EDA: variants seen among roughly 807,000 people sequenced by gnomAD.
The protein encoded by EDA is ectodysplasin-A.
EDA carries 2 observed loss-of-function variants against 23.6 expected under a neutral mutation model. The observed-to-expected ratio is 0.08, with a 90% CI of 0.03 to 0.27. The LOEUF (loss-of-function observed/expected upper bound fraction) is 0.27. Among genes scored for constraint, EDA ranks in the 10% least tolerant of loss-of-function variants. The pLI, the probability that EDA is intolerant of heterozygous loss-of-function variation, is 1.00. For synonymous variants in EDA, 131 were observed against 132.0 expected, an observed-to-expected ratio of 0.99 and a Z score of 0.05; for missense variants, 229 against 324.2, an observed-to-expected ratio of 0.71 and a Z score of 2.26.
At chrX:69,659,167 G>C (rs1933409425) in intron 1 of EDA, among the ~76,000 whole-genome samples, 1 of 112,165 alleles carries the variant, frequency 8.9e-6, no homozygotes, top group South Asian at 3.7e-4. Flanking sequence ...AGTTTTCAGA[G>C]CAAATAAAAT....
intron 1 of EDA, among the ~76,000 whole-genome samples, chrX:69,674,104 T>TATC (rs1002903510): frequency 3.7e-5 from 2 of 54,007 alleles, no homozygotes; most frequent in African/African-American, 1.5e-4. Context: ...AGGAAAAGCC[T>TATC]ATCTATCTAT....
rs58473384 is a variant in EDA, at chrX:70,015,005, A to T, written c.503-8213A>T. On this transcript the variant is annotated intron_variant, in intron 2 of 7. Coordinates refer to ENST00000374552, the MANE Select transcript of EDA (RefSeq NM_001399.5). ...CTTGGAAAACCTACTTGAGGATATT[A>T]TCCATGAAAATTTCCCCAAACTCGC... Among the ~76,000 whole-genome samples, 996 of 112,079 alleles carry T rather than the reference A, an allele frequency of 8.9e-3. 7 individuals are homozygous for T. Among genetic ancestry groups the T allele is most frequent in the African/African-American group, 0.03 (932 of 30,848 alleles).
chrX:69,982,167 G>A (rs369091926), intron 2 of EDA, among the ~76,000 whole-genome samples: 19 of 111,594 alleles, frequency 1.7e-4, no homozygotes, highest in Middle Eastern at 4.6e-3. Context: ...GAGAGTGTGC[G>A]TGTGGGGAAA....
In EDA at chrX:69,901,195, A is replaced by G. The variant is rs1404414613; in HGVS notation, c.397-55832A>G. Among the ~76,000 whole-genome samples the G allele has an allele frequency of 2.7e-5, 3 of 111,750 alleles. No individual in the cohort carries two copies. In the East Asian group the frequency reaches 8.4e-4, roughly 31 times the overall value. Reference sequence around the variant, plus strand: ...TTCTAAGTTGATAGTTTGGCACTTGAATATTTTTCTATAGAAATTATGTTA... The same window carrying G: ...TTCTAAGTTGATAGTTTGGCACTTGGATATTTTTCTATAGAAATTATGTTA... On this transcript the variant is annotated intron_variant, in intron 1 of 7. Coordinates refer to ENST00000374552, the MANE Select transcript of EDA (RefSeq NM_001399.5).
At chrX:69,966,173 G>T in intron 2 of EDA, among the ~76,000 whole-genome samples, 1 of 112,255 alleles carries the variant, frequency 8.9e-6, no homozygotes, top group Non-Finnish European at 1.9e-5. Flanking sequence ...CTCATATATT[G>T]CTGGAAAGAA....
At chrX:69,981,332 T>C (rs1018457863) in intron 2 of EDA, among the ~76,000 whole-genome samples, 2 of 112,001 alleles carry the variant, frequency 1.8e-5, no homozygotes, top group African/African-American at 6.5e-5. Flanking sequence ...ACCTGTACTG[T>C]AGAATAGAAG....
At position 70,039,170 on chromosome X, in the gene EDA, G is replaced by A. The variant is rs1042466237; in HGVS notation, c.*3561G>A. 1 of 112,382 alleles carries A rather than the reference G, an allele frequency of 8.9e-6. No homozygotes were observed. The highest frequency in any genetic ancestry group is 3.2e-5 in the African/African-American group (1 of 30,821). The allele number at this position is 112,382 out of a possible 1,213,427, so 9.3% of individuals were successfully genotyped here. ...GCCTCAGGACCCATCCCTGCCTGGAGGCTCCTCTAGGCCCTGTGAGCACAA... is the reference window on the plus strand; with the variant it reads ...GCCTCAGGACCCATCCCTGCCTGGAAGCTCCTCTAGGCCCTGTGAGCACAA... On this transcript the variant is annotated 3_prime_UTR_variant, in exon 8 of 8. Coordinates refer to ENST00000374552, the MANE Select transcript of EDA (RefSeq NM_001399.5).
chrX:69,754,697 A>G (rs995709112), intron 1 of EDA, among the ~76,000 whole-genome samples: 3 of 111,660 alleles, frequency 2.7e-5, no homozygotes, highest in African/African-American at 9.8e-5. Context: ...TTTCAGGTAC[A>G]GCAATCAGTC....
intron 1 of EDA, among the ~76,000 whole-genome samples, chrX:69,716,380 G>A (rs1023820382): frequency 4.5e-5 from 5 of 111,424 alleles, no homozygotes; most frequent in African/African-American, 6.5e-5. Context: ...GATAGTTGTA[G>A]GTGTGTGGCT....
chrX:70,033,612 C>A, intron 7 of EDA, 84 bp downstream of exon 7: 2 of 1,082,400 alleles, frequency 1.8e-6, no homozygotes, highest in Non-Finnish European at 2.5e-6. Flanking sequence ...TGGAGCCAGC[C>A]AAGACCATCC....
intron 1 of EDA, among the ~76,000 whole-genome samples, chrX:69,807,509 G>A (rs2015842375): frequency 9.8e-6 from 1 of 102,401 alleles, no homozygotes; most frequent in African/African-American, 3.6e-5. Flanking sequence ...ATTTTGGAGA[G>A]TAAGAAGGAG....
intron 2 of EDA, among the ~76,000 whole-genome samples, chrX:70,008,240 T>C (rs1248137895): frequency 8.9e-6 from 1 of 112,330 alleles, no homozygotes; most frequent in African/African-American, 3.2e-5. Context: ...ATTAGCTGTA[T>C]GGTATATGGA....
intron 1 of EDA, among the ~76,000 whole-genome samples, chrX:69,938,887 A>G (rs1351826558): frequency 8.9e-6 from 1 of 112,030 alleles, no homozygotes; most frequent in East Asian, 2.8e-4. Context: ...TGGAACCTTT[A>G]TCAAACATGA....
chrX:70,034,848 G>T (rs989080833), intron 7 of EDA, among the ~76,000 whole-genome samples: 7 of 111,902 alleles, frequency 6.3e-5, no homozygotes, highest in African/African-American at 2.3e-4. Flanking sequence ...GGGAGGGGTG[G>T]TGCAAGCTGA....
intron 1 of EDA, among the ~76,000 whole-genome samples, chrX:69,736,639 A>G (rs2013269619): frequency 9.2e-6 from 1 of 109,243 alleles, no homozygotes; most frequent in South Asian, 4.0e-4. Flanking sequence ...TTTTCTCTAA[A>G]GTTTTAACTC....
intron 2 of EDA, among the ~76,000 whole-genome samples, chrX:69,979,962 A>G (rs896494817): frequency 8.2e-5 from 9 of 109,595 alleles, no homozygotes; most frequent in African/African-American, 2.7e-4. Context: ...TCTATTTTTT[A>G]GTGTTTCTAT....
chrX:69,826,106 G>A (rs1487349187), intron 1 of EDA, among the ~76,000 whole-genome samples: 36 of 110,593 alleles, frequency 3.3e-4, no homozygotes, highest in Non-Finnish European at 4.9e-4. Flanking sequence ...GCTGAGGAGA[G>A]CTTTACTTCC....
intron 2 of EDA, among the ~76,000 whole-genome samples, chrX:69,964,768 G>A (rs1054345040): frequency 1.8e-5 from 2 of 111,270 alleles, no homozygotes; most frequent in Admixed American, 9.6e-5. Context: ...ATAGATGTGC[G>A]GTCAGAAGGC....
Position 69,980,380 on chromosome X carries a change from A to T in EDA, c.502+23248A>T, listed in dbSNP as rs186580618. 6.2e-5 allele frequency among the ~76,000 whole-genome samples: 7 copies of T among 112,249 alleles called. No individual in the cohort carries two copies. The East Asian group carries it at 1.7e-3, about 27-fold the overall frequency. The stretch of plus-strand genomic sequence containing the variant: ...CATTTTGCCTACAGAGATCTACTAT[A>T]GTAAGTATTCTGTAACACTTAGCTA... On this transcript the variant is annotated intron_variant, in intron 2 of 7. Transcript: ENST00000374552.
Sources: allele counts gnomAD v4.1 joint callset (sites outside exome capture counted in the v4.1 genomes callset), GRCh38; gene constraint gnomAD v4.1.1; transcripts MANE v1.5; gene names NCBI Gene and HGNC (gene_info 2026-07-23, HGNC 2026-07-21).